CFAP45: variants seen among roughly 807,000 people sequenced by gnomAD.
CFAP45 encodes the protein cilia and flagella associated protein 45, also known as cilia- and flagella-associated protein 45.
In CFAP45, 43 loss-of-function variants were observed where a neutral mutation model predicts 75.6. That is an observed-to-expected ratio of 0.57 (90% CI 0.45 to 0.73). The LOEUF is 0.73. Ranked by LOEUF, CFAP45 falls within the 30% of genes least tolerant of loss-of-function variation. The pLI, the probability that CFAP45 is intolerant of heterozygous loss-of-function variation, is 0.00. For missense variants in CFAP45, 689 were observed against 701.5 expected (o/e 0.98, Z 0.20); for synonymous variants, 223 against 244.6 (o/e 0.91, Z 0.82).
At chr1:159,893,117 AG>A in intron 2 of CFAP45, 62 bp downstream of exon 2, 1 of 1,592,788 alleles carries the variant, frequency 6.3e-7, no homozygotes, top group Non-Finnish European at 8.6e-7. Context: ...CTTTGCCCTG[AG>A]CTACATTTTT....
chr1:159,884,809 CTTTA>C (rs1233518598), intron 6 of CFAP45, among the ~76,000 whole-genome samples: 1 of 152,188 alleles, frequency 6.6e-6, no homozygotes, highest in African/African-American at 2.4e-5. Flanking sequence ...GATTCTCCTT[CTTTA>C]TTTGTTTGTC....
intron 7 of CFAP45, among the ~76,000 whole-genome samples, chr1:159,882,556 G>A (rs1439884604): frequency 6.6e-6 from 1 of 152,150 alleles, no homozygotes; most frequent in African/African-American, 2.4e-5. Context: ...GGTGGGAAAC[G>A]CTGCCCTTCG....
Position 159,872,983 on chromosome 1 carries a change from C to A in CFAP45, c.1538G>T (p.Arg513Leu), listed in dbSNP as rs142022446. 1.8e-4 allele frequency: 292 copies of A among 1,614,234 alleles called. No individual in the cohort carries two copies. The highest frequency in any genetic ancestry group is 3.3e-4 in the Middle Eastern group (2 of 6,060). Residue 513 changes from arginine to leucine, a missense_variant, in exon 11 of 12, where the codon CGC (arginine) becomes CTC (leucine). By Grantham distance (102) the Arg-to-Leu change is moderately radical. Transcript: ENST00000368099. Reference protein sequence around the residue: ...LKEEAQKRRERIDEIKRKKLE... With the variant: ...LKEEAQKRRELIDEIKRKKLE... ...CTTTTTCCTCTTGATCTCATCGATG[C>A]GCTCACGGCGTTTCTGGGCCTCCTC...
intron 6 of CFAP45, among the ~76,000 whole-genome samples, chr1:159,885,993 C>T (rs1005188232): frequency 1.2e-4 from 18 of 152,228 alleles, no homozygotes; most frequent in East Asian, 3.9e-4. Flanking sequence ...GGGTGAGAAA[C>T]GAGATTGATT....
At chr1:159,877,693 A>C (rs932569562) in intron 8 of CFAP45, among the ~76,000 whole-genome samples, 1 of 152,140 alleles carries the variant, frequency 6.6e-6, no homozygotes, top group Admixed American at 6.5e-5. Context: ...CCTAGGCCAC[A>C]GAGAAAGACT....
At chr1:159,883,558 G>A (rs1377367892) in intron 7 of CFAP45, among the ~76,000 whole-genome samples, 1 of 151,486 alleles carries the variant, frequency 6.6e-6, no homozygotes, top group Non-Finnish European at 1.5e-5. Context: ...AGAGCTGCAG[G>A]CTGAAGCATT....
chr1:159,885,317 C>T (rs1424712591), intron 6 of CFAP45, among the ~76,000 whole-genome samples: 1 of 152,146 alleles, frequency 6.6e-6, no homozygotes, highest in African/African-American at 2.4e-5. Context: ...AGCCACTTAG[C>T]CACTCAGTAA....
chr1:159,873,012 G>A lies in CFAP45; in HGVS notation c.1509C>T (p.Leu503=). The change falls in exon 11 of 12, where the codon CTC becomes CTT. Residue 503 remains leucine (L), a synonymous_variant. Coordinates refer to ENST00000368099, the MANE Select transcript of CFAP45 (RefSeq NM_012337.3). ...RIATFEEGRR[L]KEEAQKRRER... ...CACGGCGTTTCTGGGCCTCCTCTTT[G>A]AGGCGCCGGCCCTCCTCAAAGGTGG... The A allele has an allele frequency of 6.2e-7, 1 of 1,614,226 alleles. No homozygotes were observed. The highest frequency in any genetic ancestry group is 8.5e-7 in the Non-Finnish European group (1 of 1,180,048).
chr1:159,886,510 C>T lies in CFAP45; in HGVS notation c.767+1G>A, dbSNP rs1649690004. The T allele has an allele frequency of 4.3e-6, 7 of 1,613,772 alleles. No homozygotes were observed. The African/African-American group carries it at 5.3e-5, about 12-fold the overall frequency. On this transcript the variant is annotated splice_donor_variant, in intron 6 of 11. Transcript: ENST00000368099. LOFTEE classifies it high-confidence loss of function. ...GGGAGATGCCAAAACCACATCTTTA[C>T]CTAATTCTTTCCTCCCTCCTCTTCC...
chr1:159,880,307 A>G (rs1364277899), intron 8 of CFAP45, among the ~76,000 whole-genome samples: 2 of 152,158 alleles, frequency 1.3e-5, no homozygotes, highest in Non-Finnish European at 1.5e-5. Context: ...CCTCATCCCA[A>G]CTTCTAATCA....
At chr1:159,899,811 A>G (rs112059504) in intron 1 of CFAP45, among the ~76,000 whole-genome samples, 1,588 of 152,210 alleles carry the variant, frequency 0.01, 26 homozygotes, top group African/African-American at 0.035. Flanking sequence ...TTTGGTCCAC[A>G]GAGGCCCCGC....
At chr1:159,891,951 A>G (rs897148478) in intron 2 of CFAP45, among the ~76,000 whole-genome samples, 2 of 152,188 alleles carry the variant, frequency 1.3e-5, no homozygotes, top group Admixed American at 1.3e-4. Flanking sequence ...AAAACTCCAC[A>G]TGTACCCAAA....
chr1:159,893,617 G>A (rs1649879716), intron 1 of CFAP45, among the ~76,000 whole-genome samples: 1 of 152,054 alleles, frequency 6.6e-6, no homozygotes, highest in East Asian at 1.9e-4. Context: ...GGAAGGGGAG[G>A]GGCATGGGGA....
At chr1:159,873,827 C>CCCCT (rs1553221137) in intron 10 of CFAP45, among the ~76,000 whole-genome samples, 2 of 134,632 alleles carry the variant, frequency 1.5e-5, no homozygotes, top group East Asian at 2.3e-4. Flanking sequence ...GAGATTTCTT[C>CCCCT]TCCTTCCTTC....
intron 7 of CFAP45, among the ~76,000 whole-genome samples, chr1:159,882,901 AT>A (rs1274782837): frequency 6.6e-6 from 1 of 152,044 alleles, no homozygotes; most frequent in Non-Finnish European, 1.5e-5. Context: ...CAGGTCTCTC[AT>A]TGCCTTCACC....
chr1:159,872,843 G>A, intron 11 of CFAP45, 101 bp downstream of exon 11: 1 of 1,171,696 alleles, frequency 8.5e-7, no homozygotes, highest in Non-Finnish European at 1.2e-6. Context: ...GAGCATCTCT[G>A]CCATGGCCCT....
At chr1:159,880,467 A>G in intron 8 of CFAP45, 87 bp downstream of exon 8, 5 of 1,262,802 alleles carry the variant, frequency 4.0e-6, no homozygotes, top group Non-Finnish European at 5.5e-6. Flanking sequence ...GCTGCCTTCC[A>G]CTGGAGTTCC....
chr1:159,886,081 C>T (rs1007778525), intron 6 of CFAP45, among the ~76,000 whole-genome samples: 3 of 152,078 alleles, frequency 2.0e-5, no homozygotes, highest in African/African-American at 7.3e-5. Context: ...CGGGCTCACG[C>T]CTGTAATCCC....
At position 159,872,987 on chromosome 1, in the gene CFAP45, C is replaced by A; in HGVS notation, c.1534G>T (p.Glu512Ter). The A allele has an allele frequency of 6.2e-7, 1 of 1,614,248 alleles. No individual in the cohort carries two copies. The highest frequency in any genetic ancestry group is 1.1e-5 in the South Asian group (1 of 91,084). Residue 512 changes from glutamate to a stop codon, truncating the protein, a stop_gained, in exon 11 of 12, where the codon GAG becomes TAG. Transcript: ENST00000368099. LOFTEE classifies it high-confidence loss of function. The part of the protein sequence containing the change: ...RLKEEAQKRR[E>*]RIDEIKRKKL... ...TTCCTCTTGATCTCATCGATGCGCT[C>A]ACGGCGTTTCTGGGCCTCCTCTTTG... is the stretch of plus-strand genomic sequence containing the variant.
Sources: gnomAD v4.1 joint callset for allele counts (sites outside exome capture counted in the v4.1 genomes callset) on GRCh38, gnomAD v4.1.1 for gene constraint, MANE v1.5 for transcripts, NCBI Gene and HGNC (gene_info 2026-07-23, HGNC 2026-07-21) for gene names.